The following KIRREL3 variants were observed in gnomAD, a reference collection of about 807,000 sequenced individuals.
KIRREL3 encodes the protein kin of IRRE-like protein 3.
Under a neutral mutation model 89.7 loss-of-function variants are expected in KIRREL3, and 36 were observed. That is an observed-to-expected ratio of 0.40 (90% confidence interval 0.31 to 0.53). The LOEUF is 0.53. Ranked by LOEUF, KIRREL3 falls within the 20% of genes least tolerant of loss-of-function variation. KIRREL3 has a pLI of 0.49. For synonymous variants in KIRREL3, 445 were observed against 441.4 expected, an observed-to-expected ratio of 1.01 and a Z score of -0.10; for missense variants, 864 against 1,056.6, an observed-to-expected ratio of 0.82 and a Z score of 2.53.
At position 126,570,220 on chromosome 11, in the gene KIRREL3, G is replaced by C. The variant is rs371984679; in HGVS notation, c.56-7308C>G. Reference sequence around the variant, plus strand: ...TTTACTAAATAACTATAAACTTTACGTTGTTGTAAAGACATAATTGCTTCT... The same window carrying C: ...TTTACTAAATAACTATAAACTTTACCTTGTTGTAAAGACATAATTGCTTCT... On this transcript the variant is annotated intron_variant, in intron 1 of 16. Coordinates refer to ENST00000525144, the MANE Select transcript of KIRREL3 (RefSeq NM_032531.4). This position sits in a 1 kb window ranked among gnomAD's most constrained non-coding sequence, Gnocchi z 6.1. Among the ~76,000 whole-genome samples the C allele has an allele frequency of 6.6e-6, 1 of 152,034 alleles. No individual in the cohort carries two copies. The highest frequency in any genetic ancestry group is 1.5e-5 in the Non-Finnish European group (1 of 68,002).
chr11:126,747,531 CAT>C lies in KIRREL3; in HGVS notation c.56-184621_56-184620del, dbSNP rs1949192950. On this transcript the variant is annotated intron_variant, in intron 1 of 16. Transcript: ENST00000525144. The surrounding 1 kb of genome is among the most constrained non-coding windows in gnomAD (Gnocchi z 4.7). ...TATTCATCCATCAAAGGCCTGCTCA[CAT>C]GTTCCCTCTCTGCAAAGCAGTGCTC... Among the ~76,000 whole-genome samples, 1 of 152,160 alleles carries C rather than the reference CAT, an allele frequency of 6.6e-6. No individual in the cohort carries two copies. The highest frequency in any genetic ancestry group is 2.1e-4 in the South Asian group (1 of 4,784).
At chr11:126,826,272 T>A (rs4937188) in intron 1 of KIRREL3, among the ~76,000 whole-genome samples, 100 of 152,004 alleles carry the variant, frequency 6.6e-4, no homozygotes, top group Admixed American at 6.6e-3. Flanking sequence ...CCTAACTGTC[T>A]GTCCGGAAAA....
In KIRREL3 at chr11:126,788,203, G is replaced by C. The variant is rs539558165; in HGVS notation, c.55+212252C>G. Among the ~76,000 whole-genome samples, 1 of 152,340 alleles carries C rather than the reference G, an allele frequency of 6.6e-6. No individual in the cohort carries two copies. The highest frequency in any genetic ancestry group is 1.9e-4 in the East Asian group (1 of 5,182). On this transcript the variant is annotated intron_variant, in intron 1 of 16. Transcript: ENST00000525144. The surrounding 1 kb of genome is among the most constrained non-coding windows in gnomAD (Gnocchi z 4.1). The stretch of plus-strand genomic sequence containing the variant: ...TTGGGACAAATGCACAATCTGGAAG[G>C]AAATCGTTTCTAACCATCTCTTTTT...
intron 1 of KIRREL3, among the ~76,000 whole-genome samples, chr11:126,871,889 G>A (rs1945121691): frequency 6.6e-6 from 1 of 152,194 alleles, no homozygotes; most frequent in African/African-American, 2.4e-5. Flanking sequence ...TCTTCATGGG[G>A]CTTACATCTG....
At chr11:126,552,334 T>C (rs1939331395) in intron 2 of KIRREL3, among the ~76,000 whole-genome samples, 1 of 152,130 alleles carries the variant, frequency 6.6e-6, no homozygotes, top group Non-Finnish European at 1.5e-5. Flanking sequence ...GAGTGGACTA[T>C]TCTTACCACC....
chr11:126,833,007 C>T (rs1035580511), intron 1 of KIRREL3, among the ~76,000 whole-genome samples: 4 of 152,196 alleles, frequency 2.6e-5, no homozygotes, highest in Non-Finnish European at 5.9e-5. Flanking sequence ...TGCCACACCA[C>T]CTTTAAATCA....
intron 1 of KIRREL3, among the ~76,000 whole-genome samples, chr11:126,595,258 C>G (rs1942341729): frequency 6.6e-6 from 1 of 152,190 alleles, no homozygotes; most frequent in Non-Finnish European, 1.5e-5. Flanking sequence ...AGCCTCCTCT[C>G]CAGCCTGGCT....
Position 126,463,403 on chromosome 11 carries a change from G to C in KIRREL3, c.592-96C>G. Reference sequence around the variant, plus strand: ...TAAACGAGCACCAGCTTAGACAGAAGGGGGAGCTGTGGATGGAGGGGTTCA... The same window carrying C: ...TAAACGAGCACCAGCTTAGACAGAACGGGGAGCTGTGGATGGAGGGGTTCA... On this transcript the variant is annotated intron_variant, in intron 5 of 16. Coordinates refer to ENST00000525144, the MANE Select transcript of KIRREL3 (RefSeq NM_032531.4). This position sits in a 1 kb window ranked among gnomAD's most constrained non-coding sequence, Gnocchi z 5.9. The C allele has an allele frequency of 7.8e-7, 1 of 1,275,746 alleles. No individual in the cohort carries two copies. The highest frequency in any genetic ancestry group is 1.1e-6 in the Non-Finnish European group (1 of 917,802). 79.0% of individuals were successfully genotyped at this position (1,275,746 alleles called of 1,614,324 possible).
chr11:126,695,275 T>C (rs946946997), intron 1 of KIRREL3, among the ~76,000 whole-genome samples: 7 of 152,252 alleles, frequency 4.6e-5, no homozygotes, highest in African/African-American at 1.7e-4. Context: ...AAGCAGCAAC[T>C]TGTCCAAGAT....
chr11:126,436,239 C>T (rs1008487527), intron 12 of KIRREL3, among the ~76,000 whole-genome samples: 9 of 152,194 alleles, frequency 5.9e-5, no homozygotes, highest in Non-Finnish European at 1.2e-4. Context: ...CCTGGGTCTG[C>T]AGGTCATCTG....
intron 1 of KIRREL3, among the ~76,000 whole-genome samples, chr11:126,847,463 A>G (rs2226933): frequency 0.25 from 38,007 of 151,944 alleles, 4,798 homozygotes; most frequent in Admixed American, 0.31. Flanking sequence ...GCTTATAAAA[A>G]AAGATGGCTT....
chr11:126,893,621 C>T (rs1422395729), intron 1 of KIRREL3, among the ~76,000 whole-genome samples: 8 of 152,186 alleles, frequency 5.3e-5, no homozygotes, highest in Admixed American at 3.3e-4. Context: ...CCCGGGTTAC[C>T]GTGAGCTGAT....
At chr11:126,840,653 C>A (rs1170773705) in intron 1 of KIRREL3, among the ~76,000 whole-genome samples, 1 of 152,150 alleles carries the variant, frequency 6.6e-6, no homozygotes, top group Non-Finnish European at 1.5e-5. Flanking sequence ...TTCTGGGTAG[C>A]GTGATAAAAT....
At chr11:126,497,306 G>A (rs969833560) in intron 4 of KIRREL3, among the ~76,000 whole-genome samples, 1 of 152,028 alleles carries the variant, frequency 6.6e-6, no homozygotes, top group Admixed American at 6.6e-5. Context: ...GAGAGAGAGC[G>A]AGAGAGAGTA....
chr11:126,469,241 A>G (rs189591839), intron 5 of KIRREL3, among the ~76,000 whole-genome samples: 1 of 152,380 alleles, frequency 6.6e-6, no homozygotes, highest in Admixed American at 6.5e-5. Flanking sequence ...ACCATGTGAC[A>G]GCCACTGAGG....
chr11:126,605,781 T>TAG lies in KIRREL3; in HGVS notation c.56-42871_56-42870dup. Among the ~76,000 whole-genome samples, 1 of 152,006 alleles carries TAG rather than the reference T, an allele frequency of 6.6e-6. No individual in the cohort carries two copies. ...GTGGGGAAAGCATGGGGCATATGGG[T>TAG]AGAGAGTGAGGTCTGGAGGGCATGG... On this transcript the variant is annotated intron_variant, in intron 1 of 16. Transcript: ENST00000525144. The surrounding 1 kb of genome is among the most constrained non-coding windows in gnomAD (Gnocchi z 5.7).
At chr11:126,657,538 C>A (rs548629425) in intron 1 of KIRREL3, among the ~76,000 whole-genome samples, 1 of 152,320 alleles carries the variant, frequency 6.6e-6, no homozygotes, top group African/African-American at 2.4e-5. Context: ...CAAAGAAGGG[C>A]AGTGTCATTC....
At chr11:126,524,270 C>T (rs1958680615) in intron 3 of KIRREL3, among the ~76,000 whole-genome samples, 1 of 152,136 alleles carries the variant, frequency 6.6e-6, no homozygotes, top group African/African-American at 2.4e-5. Context: ...ATGTAAAGTG[C>T]CTGGCACATT....
In KIRREL3 at chr11:126,520,086, C is replaced by T. The variant is rs563715381; in HGVS notation, c.433+1229G>A. On this transcript the variant is annotated intron_variant, in intron 4 of 16. Coordinates refer to ENST00000525144, the MANE Select transcript of KIRREL3 (RefSeq NM_032531.4). The surrounding 1 kb of genome is among the most constrained non-coding windows in gnomAD (Gnocchi z 4.9). ...GCTCCGAGCTTGGTAAGTGGTCCTC[C>T]GGGGCCTGTCTGCTGCACTGCTTGG... 2.8e-4 allele frequency among the ~76,000 whole-genome samples: 43 copies of T among 152,274 alleles called. No individual in the cohort carries two copies. The highest frequency in any genetic ancestry group is 9.1e-4 in the African/African-American group (38 of 41,560).
Sources: allele counts gnomAD v4.1 joint callset (sites outside exome capture counted in the v4.1 genomes callset), GRCh38; gene constraint gnomAD v4.1.1; non-coding constraint Gnocchi (gnomAD v3.1); transcripts MANE v1.5; gene names NCBI Gene and HGNC (gene_info 2026-07-23, HGNC 2026-07-21).